The following GNG7 variants were observed in gnomAD, a reference collection of about 807,000 sequenced individuals.
GNG7 encodes guanine nucleotide-binding protein G(I)/G(S)/G(O) subunit gamma-7.
In GNG7, 1 loss-of-function variant was observed where a neutral mutation model predicts 4.0. The ratio of observed to expected loss-of-function variants is 0.25; its 90% CI spans 0.09 to 1.18. The LOEUF is 1.18. Ranked by LOEUF, GNG7 falls within the 50% of genes most tolerant of loss-of-function variation. The pLI is 0.50. For missense variants in GNG7, 86 were observed against 91.9 expected (o/e 0.94, Z 0.26); for synonymous variants, 34 against 36.9 (o/e 0.92, Z 0.29).
intron 3 of GNG7, among the ~76,000 whole-genome samples, chr19:2,553,919 CATGTAATATATTGT>C (rs1264228736): frequency 2.9e-5 from 4 of 138,162 alleles, no homozygotes; most frequent in East Asian, 2.0e-4. Flanking sequence ...GTGCATATTG[CATGTAATATATTGT>C]ATGTAATATA....
intron 2 of GNG7, among the ~76,000 whole-genome samples, chr19:2,582,120 T>C (rs1980521131): frequency 6.6e-6 from 1 of 152,150 alleles, no homozygotes; most frequent in South Asian, 2.1e-4. Context: ...TTAATAAATG[T>C]GGGATCCTGG....
rs759086081 is a variant in GNG7, at chr19:2,634,396, TG to T, written c.-78+11827del. Among the ~76,000 whole-genome samples, 2 of 151,102 alleles carry T rather than the reference TG, an allele frequency of 1.3e-5. No homozygotes were observed. The highest frequency in any genetic ancestry group is 2.4e-5 in the African/African-American group (1 of 41,034). On this transcript the variant is annotated intron_variant, in intron 2 of 4. Coordinates refer to ENST00000382159, the MANE Select transcript of GNG7 (RefSeq NM_052847.3). This position sits in a 1 kb window ranked among gnomAD's most constrained non-coding sequence, Gnocchi z 5.3. The stretch of plus-strand genomic sequence containing the variant: ...TGCTCAGTGTCCCCGGGGTTGGGGG[TG>T]GGGGGCGGCATCACCCAGATGACCC...
intron 3 of GNG7, among the ~76,000 whole-genome samples, chr19:2,536,504 A>T (rs1001157085): frequency 6.6e-6 from 1 of 152,202 alleles, no homozygotes; most frequent in Non-Finnish European, 1.5e-5. Context: ...TCCTAATCAG[A>T]ACTAAAGTGA....
intron 3 of GNG7, among the ~76,000 whole-genome samples, chr19:2,523,357 G>T (rs1978319870): frequency 6.6e-6 from 1 of 151,752 alleles, no homozygotes; most frequent in African/African-American, 2.4e-5. Context: ...TTTGAGGCCA[G>T]CCTAGGCAAC....
intron 1 of GNG7, among the ~76,000 whole-genome samples, chr19:2,691,809 G>A (rs376075978): frequency 4.5e-4 from 68 of 150,210 alleles, no homozygotes; most frequent in African/African-American, 1.7e-3. Flanking sequence ...GGAGGTTGCA[G>A]TGAGCTGAGA....
In GNG7 at chr19:2,644,382, A is replaced by AAG. The variant is rs55936286; in HGVS notation, c.-78+1841_-78+1842insCT. On this transcript the variant is annotated intron_variant, in intron 2 of 4. Coordinates refer to ENST00000382159, the MANE Select transcript of GNG7 (RefSeq NM_052847.3). ...ATATATATATATATATATATATATA[A>AAG]TGCTCTATCTATACATGCATCATGT... 7.5e-3 allele frequency among the ~76,000 whole-genome samples: 811 copies of AAG among 108,556 alleles called. 14 individuals carry two copies. Among genetic ancestry groups the AAG allele is most frequent in the African/African-American group, 0.018 (433 of 23,514 alleles). 71.2% of individuals were successfully genotyped at this position (108,556 alleles called of 152,430 possible).
At chr19:2,654,640 G>A (rs1018196012) in intron 1 of GNG7, among the ~76,000 whole-genome samples, 1 of 152,260 alleles carries the variant, frequency 6.6e-6, no homozygotes, top group African/African-American at 2.4e-5. Flanking sequence ...TGAGTGGGGG[G>A]AGGGAGAGAG....
chr19:2,672,736 G>A (rs769330387), intron 1 of GNG7, among the ~76,000 whole-genome samples: 1 of 151,922 alleles, frequency 6.6e-6, no homozygotes, highest in Non-Finnish European at 1.5e-5. Flanking sequence ...GTGAGCCACC[G>A]CGCCTGGTCT....
At chr19:2,603,917 C>A (rs1981291787) in intron 2 of GNG7, among the ~76,000 whole-genome samples, 1 of 151,864 alleles carries the variant, frequency 6.6e-6, no homozygotes, top group Non-Finnish European at 1.5e-5. Context: ...GTGGTGCAAT[C>A]TCGGCTCACT....
chr19:2,530,589 G>A (rs1387836855), intron 3 of GNG7, among the ~76,000 whole-genome samples: 7 of 140,532 alleles, frequency 5.0e-5, no homozygotes, highest in African/African-American at 8.0e-5. Context: ...ACGTGGTGGC[G>A]GGTGCCTGTA....
intron 2 of GNG7, among the ~76,000 whole-genome samples, chr19:2,636,636 C>T (rs1982315380): frequency 6.6e-6 from 1 of 152,138 alleles, no homozygotes; most frequent in African/African-American, 2.4e-5. Flanking sequence ...CAGTGCCTCC[C>T]GCCTCCTGCC....
At chr19:2,568,234 CACATACACACATATAG>C (rs1296538470) in intron 2 of GNG7, among the ~76,000 whole-genome samples, 3 of 151,528 alleles carry the variant, frequency 2.0e-5, no homozygotes, top group Admixed American at 2.0e-4. Flanking sequence ...CACACACGTG[CACATACACACATATAG>C]ACATACACAC....
intron 2 of GNG7, among the ~76,000 whole-genome samples, chr19:2,620,395 C>CA (rs1201361795): frequency 6.6e-6 from 1 of 152,016 alleles, no homozygotes; most frequent in Non-Finnish European, 1.5e-5. Context: ...TCCCCCAACC[C>CA]ACACACCAGA....
chr19:2,672,161 CCGAGTA>C (rs1983472243), intron 1 of GNG7, among the ~76,000 whole-genome samples: 3 of 152,004 alleles, frequency 2.0e-5, no homozygotes, highest in African/African-American at 4.8e-5. Flanking sequence ...CCTCAGCCTC[CCGAGTA>C]GCTGGGACCA....
rs1269192860 is a variant in GNG7, at chr19:2,626,341, C to A, written c.-78+19883G>T. On this transcript the variant is annotated intron_variant, in intron 2 of 4. Transcript: ENST00000382159. The surrounding 1 kb of genome is among the most constrained non-coding windows in gnomAD (Gnocchi z 5.0). ...CAGGAGGCTGGGGCATCTCTCACCC[C>A]CTCTGTGCCTCAGTTTCCTAATCTG... Among the ~76,000 whole-genome samples, 1 of 152,178 alleles carries A rather than the reference C, an allele frequency of 6.6e-6. No individual in the cohort carries two copies. The highest frequency in any genetic ancestry group is 2.4e-5 in the African/African-American group (1 of 41,438).
chr19:2,605,253 A>G (rs571445761), intron 2 of GNG7, among the ~76,000 whole-genome samples: 1 of 152,192 alleles, frequency 6.6e-6, no homozygotes, highest in South Asian at 2.1e-4. Context: ...GTTGGAGTGC[A>G]CCAGACACCA....
intron 2 of GNG7, among the ~76,000 whole-genome samples, chr19:2,562,106 C>T (rs966468719): frequency 5.9e-5 from 9 of 151,962 alleles, no homozygotes; most frequent in African/African-American, 2.2e-4. Context: ...AACCAGGGTC[C>T]GGGGCAGGCA....
intron 1 of GNG7, among the ~76,000 whole-genome samples, chr19:2,687,674 C>G (rs1208228429): frequency 6.6e-6 from 1 of 151,978 alleles, no homozygotes; most frequent in African/African-American, 2.4e-5. Flanking sequence ...ACCAGCCTGG[C>G]CAAGAAGTTT....
intron 3 of GNG7, among the ~76,000 whole-genome samples, chr19:2,551,572 C>CAAA (rs2144757704): frequency 1.3e-5 from 1 of 79,062 alleles, no homozygotes; most frequent in African/African-American, 6.2e-5. Context: ...TATCTATTAT[C>CAAA]TATAATATAT....
Sources: allele counts gnomAD v4.1 joint callset (sites outside exome capture counted in the v4.1 genomes callset), GRCh38; gene constraint gnomAD v4.1.1; non-coding constraint Gnocchi (gnomAD v3.1); transcripts MANE v1.5; gene names NCBI Gene and HGNC (gene_info 2026-07-23, HGNC 2026-07-21).